LCAT: variants seen among roughly 807,000 people sequenced by gnomAD.
The protein encoded by LCAT is phosphatidylcholine-sterol acyltransferase.
In LCAT, 15 loss-of-function variants were observed where a neutral mutation model predicts 41.0. The ratio of observed to expected loss-of-function variants is 0.37; its 90% CI spans 0.24 to 0.56. The LOEUF is 0.56. LCAT is among the 20% of genes least tolerant of loss of function. LCAT has a pLI of 0.81. For synonymous variants in LCAT, 248 were observed against 245.4 expected (o/e 1.01, Z -0.10); for missense variants, 449 against 595.1 (o/e 0.75, Z 2.55).
In LCAT at chr16:67,942,815, G is replaced by C. The variant is rs773756772; in HGVS notation, c.427+46C>G. The C allele has an allele frequency of 1.2e-6, 2 of 1,611,856 alleles. No homozygotes were observed. The highest frequency in any genetic ancestry group is 2.2e-5 in the South Asian group (2 of 91,068). The stretch of plus-strand genomic sequence containing the variant: ...GGGGCTTGGGCCATGCCTGCTGTGG[G>C]CCAGCACCCAGGCCTGGAGCCCCAG... On this transcript the variant is annotated intron_variant, in intron 3 of 5. Coordinates refer to ENST00000264005, the MANE Select transcript of LCAT (RefSeq NM_000229.2). This position sits in a 1 kb window ranked among gnomAD's most constrained non-coding sequence, Gnocchi z 6.6.
Position 67,943,393 on chromosome 16 carries a change from A to C in LCAT, c.155-181T>G. On this transcript the variant is annotated intron_variant, in intron 1 of 5. Coordinates refer to ENST00000264005, the MANE Select transcript of LCAT (RefSeq NM_000229.2). This position sits in a 1 kb window ranked among gnomAD's most constrained non-coding sequence, Gnocchi z 4.6. ...CTCCCTGCTGTCCCCCCAGTAGCCA[A>C]AGCCCAGGCTTCCCTGAGGAAGGGA... 6 of 595,816 alleles carry C rather than the reference A, an allele frequency of 1.0e-5. No homozygotes were observed. Among genetic ancestry groups the C allele is most frequent in the Non-Finnish European group, 1.2e-5 (4 of 325,528 alleles). The allele number at this position is 595,816 out of a possible 1,614,324, so 36.9% of individuals were successfully genotyped here. A position where few individuals can be genotyped will look rare whatever the true frequency, so the allele number is the denominator to read the frequency against.
At position 67,943,137 on chromosome 16, in the gene LCAT, T is replaced by G; in HGVS notation, c.230A>C (p.Lys77Thr). The change falls in exon 2 of 6, where the codon AAG (lysine) becomes ACG (threonine). Residue 77 changes from lysine (K) to threonine (T), a missense_variant. Lys to Thr is a moderately conservative substitution (Grantham distance 78). Transcript: ENST00000264005. The surrounding 1 kb of genome is among the most constrained non-coding windows in gnomAD (Gnocchi z 4.6). ...CCAGATGGTGAAGAAGTCCTCTGTC[T>G]TGCGGTAGCACATCCAGTTCACCAC... ...PDVVNWMCYR[K>T]TEDFFTIWLD... 6.2e-7 allele frequency: 1 copy of G among 1,614,004 alleles called. No individual in the cohort carries two copies. The highest frequency in any genetic ancestry group is 1.7e-5 in the Admixed American group (1 of 60,016).
At position 67,943,263 on chromosome 16, in the gene LCAT, ACCC is replaced by A; in HGVS notation, c.155-54_155-52del. On this transcript the variant is annotated intron_variant, in intron 1 of 5. Transcript: ENST00000264005. This position sits in a 1 kb window ranked among gnomAD's most constrained non-coding sequence, Gnocchi z 4.6. ...ACTCTGGATTCCCCCCGTGACCCTT[ACCC>A]CCGTCACCCCAGATGCTGCAGTGAC... 6 of 1,444,768 alleles carry A rather than the reference ACCC, an allele frequency of 4.2e-6. No homozygotes were observed. The highest frequency in any genetic ancestry group is 5.6e-6 in the Non-Finnish European group (6 of 1,065,688). 89.5% of individuals were successfully genotyped at this position (1,444,768 alleles called of 1,614,324 possible).
rs28942087 is a variant in LCAT at position 67,942,413 on chromosome 16, A to G, written c.698T>C (p.Leu233Pro). Residue 233 changes from leucine (L) to proline (P), a missense_variant, in exon 5 of 6, where the codon CTT (leucine) becomes CCT (proline). Transcript: ENST00000264005. This position sits in a 1 kb window ranked among gnomAD's most constrained non-coding sequence, Gnocchi z 6.6. ...KDRFIDGFIS[L>P]GAPWGGSIKP... is the part of the protein sequence containing the mutation. ...GATGGAGCCACCCCAGGGAGCCCCA[A>G]GAGAGATGAAGCCATCAATAAAGCG... The G allele has an allele frequency of 6.8e-6, 11 of 1,613,982 alleles. No homozygotes were observed. The highest frequency in any genetic ancestry group is 9.3e-6 in the Non-Finnish European group (11 of 1,179,998).
chr16:67,939,875 T>C lies in LCAT; in HGVS notation c.*29A>G. On this transcript the variant is annotated 3_prime_UTR_variant, in exon 6 of 6. Coordinates refer to ENST00000264005, the MANE Select transcript of LCAT (RefSeq NM_000229.2). The stretch of plus-strand genomic sequence containing the variant: ...CTCCCTTCAACCTGAAACATAGCCA[T>C]CAGGGCTTACGGTAGCAAAGGAAGG... The C allele has an allele frequency of 6.2e-7, 1 of 1,602,328 alleles. No individual in the cohort carries two copies. Among genetic ancestry groups the C allele is most frequent in the Non-Finnish European group, 8.5e-7 (1 of 1,172,726 alleles).
In LCAT at chr16:67,943,943, C is replaced by T. The variant is rs2058312163; in HGVS notation, c.154+5G>A. On this transcript the variant is annotated splice_donor_5th_base_variant and intron_variant, in intron 1 of 5. Coordinates refer to ENST00000264005, the MANE Select transcript of LCAT (RefSeq NM_000229.2). The surrounding 1 kb of genome is among the most constrained non-coding windows in gnomAD (Gnocchi z 4.6). ...TGGTGCATCAGGGGCCTGGTGGGGG[C>T]TTACCGAGGATGACGGGCCGTGTGT... The T allele has an allele frequency of 6.5e-7, 1 of 1,544,382 alleles. No homozygotes were observed. The highest frequency in any genetic ancestry group is 8.7e-7 in the Non-Finnish European group (1 of 1,143,372).
Position 67,942,582 on chromosome 16 carries a change from G to C in LCAT, c.529C>G (p.Gln177Glu), listed in dbSNP as rs762477305. The C allele has an allele frequency of 1.9e-6, 3 of 1,613,294 alleles. No individual in the cohort carries two copies. In the South Asian group the frequency reaches 3.3e-5, roughly 18 times the overall value. The stretch of plus-strand genomic sequence containing the variant: ...GCGAGCTTGCGGTAGTACTCCTCCT[G>C]CTGGCCTGCAGCGGGTGGAAGGGGT... ...PYDWRLEPGQ[Q>E]EEYYRKLAGL... Residue 177 changes from glutamine (Q) to glutamate (E), a missense_variant, in exon 5 of 6, where the codon CAG becomes GAG. Physicochemically the swap from Gln to Glu is conservative, Grantham distance 29 (BLOSUM62 2). Coordinates refer to ENST00000264005, the MANE Select transcript of LCAT (RefSeq NM_000229.2). This position sits in a 1 kb window ranked among gnomAD's most constrained non-coding sequence, Gnocchi z 6.6.
Position 67,942,546 on chromosome 16 carries a change from C to T in LCAT, c.565G>A (p.Glu189Lys), listed in dbSNP as rs1159980470. The part of the protein sequence containing the change: ...EYYRKLAGLV[E>K]EMHAAYGKPV... Reference sequence around the variant, plus strand: ...TTCCCATAGGCAGCGTGCATCTCCTCCACCAGCCCTGCGAGCTTGCGGTAG... The same window carrying T: ...TTCCCATAGGCAGCGTGCATCTCCTTCACCAGCCCTGCGAGCTTGCGGTAG... Residue 189 changes from glutamate (E) to lysine (K), a missense_variant, in exon 5 of 6, where the codon GAG becomes AAG. By Grantham distance (56) the Glu-to-Lys change is moderately conservative (BLOSUM62 1). Transcript: ENST00000264005. This position sits in a 1 kb window ranked among gnomAD's most constrained non-coding sequence, Gnocchi z 6.6. The T allele has an allele frequency of 6.2e-7, 1 of 1,613,582 alleles. No individual in the cohort carries two copies.
chr16:67,943,958 G>A lies in LCAT; in HGVS notation c.144C>T (p.Pro48=), dbSNP rs1181298236. 31 of 1,546,898 alleles carry A rather than the reference G, an allele frequency of 2.0e-5. No homozygotes were observed. The East Asian group carries it at 4.2e-4, about 21-fold the overall frequency. ...PKAELSNHTR[P]VILVPGCLGN... ...CTGGTGGGGGCTTACCGAGGATGAC[G>A]GGCCGTGTGTGGTTACTGAGCTCAG... The change falls in exon 1 of 6, where the codon CCC becomes CCT. Residue 48 remains proline (P), a synonymous_variant. Transcript: ENST00000264005. This position sits in a 1 kb window ranked among gnomAD's most constrained non-coding sequence, Gnocchi z 4.6.
chr16:67,943,854 G>T lies in LCAT; in HGVS notation c.154+94C>A. On this transcript the variant is annotated intron_variant, in intron 1 of 5. Transcript: ENST00000264005. The surrounding 1 kb of genome is among the most constrained non-coding windows in gnomAD (Gnocchi z 4.6). ...GGTACTTATGTCGGGGCTTATGCAG[G>T]GCAGAAGGGCTTTGGCCAGGTCAGC... is the stretch of plus-strand genomic sequence containing the variant. 1.6e-6 allele frequency: 2 copies of T among 1,231,238 alleles called. No individual in the cohort carries two copies. Among genetic ancestry groups the T allele is most frequent in the Non-Finnish European group, 2.2e-6 (2 of 889,468 alleles). The allele number at this position is 1,231,238 out of a possible 1,614,324, so 76.3% of individuals were successfully genotyped here.
rs373370689 is a variant in LCAT, at chr16:67,942,648, C to T, written c.523+23G>A. On this transcript the variant is annotated intron_variant, in intron 4 of 5. Coordinates refer to ENST00000264005, the MANE Select transcript of LCAT (RefSeq NM_000229.2). This position sits in a 1 kb window ranked among gnomAD's most constrained non-coding sequence, Gnocchi z 6.6. Reference sequence around the variant, plus strand: ...CTGGGGCACCTGCCCCACCCCAAGCCGGTCATCCGCAGAGACACTCACCGG... The same window carrying T: ...CTGGGGCACCTGCCCCACCCCAAGCTGGTCATCCGCAGAGACACTCACCGG... The T allele has an allele frequency of 1.1e-5, 17 of 1,612,698 alleles. No homozygotes were observed. The highest frequency in any genetic ancestry group is 2.2e-5 in the South Asian group (2 of 91,080).
At position 67,942,830 on chromosome 16, in the gene LCAT, T is replaced by G. The variant is rs1326504648; in HGVS notation, c.427+31A>C. ...CCTGCTGTGGGCCAGCACCCAGGCC[T>G]GGAGCCCCAGCCCTGCCCTCTGACA... is the stretch of plus-strand genomic sequence containing the variant. On this transcript the variant is annotated intron_variant, in intron 3 of 5. Coordinates refer to ENST00000264005, the MANE Select transcript of LCAT (RefSeq NM_000229.2). The surrounding 1 kb of genome is among the most constrained non-coding windows in gnomAD (Gnocchi z 6.6). 1 of 1,612,764 alleles carries G rather than the reference T, an allele frequency of 6.2e-7. No homozygotes were observed. The highest frequency in any genetic ancestry group is 8.5e-7 in the Non-Finnish European group (1 of 1,179,648).
At position 67,939,856 on chromosome 16, in the gene LCAT, T is replaced by C. The variant is rs912330223; in HGVS notation, c.*48A>G. ...TAGTGTGGGACTCTAGTGCCTCCCT[T>C]CAACCTGAAACATAGCCATCAGGGC... On this transcript the variant is annotated 3_prime_UTR_variant, in exon 6 of 6. Transcript: ENST00000264005. 1 of 1,586,048 alleles carries C rather than the reference T, an allele frequency of 6.3e-7. No homozygotes were observed. The highest frequency in any genetic ancestry group is 1.3e-5 in the African/African-American group (1 of 74,618).
At position 67,943,021 on chromosome 16, in the gene LCAT, G is replaced by C; in HGVS notation, c.311+35C>G. ...CTCAGCAGCCAGTAGCCAAGGGGCA[G>C]CGTGTTGGGGCTAGGGTGGAGCACA... On this transcript the variant is annotated intron_variant, in intron 2 of 5. Transcript: ENST00000264005. The surrounding 1 kb of genome is among the most constrained non-coding windows in gnomAD (Gnocchi z 4.6). 6.2e-7 allele frequency: 1 copy of C among 1,613,796 alleles called. No individual in the cohort carries two copies. The highest frequency in any genetic ancestry group is 8.5e-7 in the Non-Finnish European group (1 of 1,179,848).
In LCAT at chr16:67,942,418, G is replaced by C; in HGVS notation, c.693C>G (p.Ile231Met). The C allele has an allele frequency of 6.2e-7, 1 of 1,614,000 alleles. No homozygotes were observed. Among genetic ancestry groups the C allele is most frequent in the African/African-American group, 1.3e-5 (1 of 75,056 alleles). ...AWKDRFIDGF[I>M]SLGAPWGGSI... ...AGCCACCCCAGGGAGCCCCAAGAGA[G>C]ATGAAGCCATCAATAAAGCGGTCCT... Residue 231 changes from isoleucine to methionine, a missense_variant, in exon 5 of 6, where the codon ATC becomes ATG. By Grantham distance (10) the Ile-to-Met change is conservative. Transcript: ENST00000264005. This position sits in a 1 kb window ranked among gnomAD's most constrained non-coding sequence, Gnocchi z 6.6.
Position 67,940,016 on chromosome 16 carries a change from A to G in LCAT, c.1211T>C (p.Met404Thr). 1 of 1,613,608 alleles carries G rather than the reference A, an allele frequency of 6.2e-7. No homozygotes were observed. Among genetic ancestry groups the G allele is most frequent in the Non-Finnish European group, 8.5e-7 (1 of 1,180,022 alleles). Residue 404 changes from methionine (M) to threonine (T), a missense_variant, in exon 6 of 6, where the codon ATG (methionine) becomes ACG (threonine). Coordinates refer to ENST00000264005, the MANE Select transcript of LCAT (RefSeq NM_000229.2). ...CTCCAGGGTCAGGTTGCTGAAGACC[A>G]TGTTGAGATGCTGTATCCCGTGCAG... Reference protein sequence around the residue: ...LPLHGIQHLNMVFSNLTLEHI... With the variant: ...LPLHGIQHLNTVFSNLTLEHI...
intron 5 of LCAT, 56 bp from the exon 6 acceptor site, chr16:67,940,534 C>T: frequency 6.2e-7 from 1 of 1,607,944 alleles, no homozygotes; most frequent in South Asian, 1.1e-5. Context: ...CCCTGGCCCA[C>T]AACCTGCTGA....
At chr16:67,941,872 C>G in intron 5 of LCAT, 1 of 1,092,270 alleles carries the variant, frequency 9.2e-7, no homozygotes. Flanking sequence ...GACTGTGTTT[C>G]TCTCTCCAGA....
Position 67,940,014 on chromosome 16 carries a change from C to G in LCAT, c.1213G>C (p.Val405Leu). Residue 405 changes from valine (V) to leucine (L), a missense_variant, in exon 6 of 6, where the codon GTC (valine) becomes CTC (leucine). Transcript: ENST00000264005. The stretch of plus-strand genomic sequence containing the variant: ...TGCTCCAGGGTCAGGTTGCTGAAGA[C>G]CATGTTGAGATGCTGTATCCCGTGC... ...PLHGIQHLNM[V>L]FSNLTLEHIN... 1 of 1,613,642 alleles carries G rather than the reference C, an allele frequency of 6.2e-7. No individual in the cohort carries two copies. Among genetic ancestry groups the G allele is most frequent in the Non-Finnish European group, 8.5e-7 (1 of 1,180,032 alleles).
Sources: allele counts gnomAD v4.1 joint callset, GRCh38; gene constraint gnomAD v4.1.1; non-coding constraint Gnocchi (gnomAD v3.1); transcripts MANE v1.5; gene names NCBI Gene and HGNC (gene_info 2026-07-23, HGNC 2026-07-21).